Variants in CNTNAP2 observed in about 807,000 individuals in gnomAD.
CNTNAP2 encodes contactin associated protein 2, also known as contactin-associated protein-like 2.
A neutral mutation model predicts 155.2 loss-of-function variants in CNTNAP2; 98 were observed. The ratio of observed to expected loss-of-function variants is 0.63; its 90% CI spans 0.54 to 0.75. CNTNAP2 has a LOEUF of 0.75. Ranked by LOEUF, CNTNAP2 falls within the 30% of genes least tolerant of loss-of-function variation. The pLI is 0.00. For synonymous variants in CNTNAP2, 651 were observed against 631.2 expected (o/e 1.03, Z -0.47); for missense variants, 1,727 against 1,688.1 (o/e 1.02, Z -0.40).
intron 1 of CNTNAP2, among the ~76,000 whole-genome samples, chr7:146,259,581 A>G (rs1457706154): frequency 6.6e-6 from 1 of 152,138 alleles, no homozygotes; most frequent in Non-Finnish European, 1.5e-5. Flanking sequence ...CCCCTGCCCT[A>G]GAGCTCTGTG....
chr7:147,473,153 G>A (rs1434631220), intron 10 of CNTNAP2, among the ~76,000 whole-genome samples: 1 of 152,166 alleles, frequency 6.6e-6, no homozygotes. Context: ...AGATGAGAGT[G>A]GATTTCAGGT....
intron 8 of CNTNAP2, among the ~76,000 whole-genome samples, chr7:147,256,658 T>C (rs1489773157): frequency 6.6e-6 from 1 of 152,080 alleles, no homozygotes; most frequent in Admixed American, 6.5e-5. Context: ...GGGAACAGGA[T>C]GACAAATGTG....
chr7:146,932,050 C>T (rs1342046326), intron 3 of CNTNAP2, among the ~76,000 whole-genome samples: 2 of 150,260 alleles, frequency 1.3e-5, no homozygotes, highest in African/African-American at 4.9e-5. Flanking sequence ...CTATTCCAAT[C>T]AATAGAAAAA....
At chr7:147,719,329 T>G (rs1276330938) in intron 13 of CNTNAP2, among the ~76,000 whole-genome samples, 1 of 152,096 alleles carries the variant, frequency 6.6e-6, no homozygotes, top group South Asian at 2.1e-4. Context: ...TTCTCTCTGG[T>G]AGACATAGCT....
At chr7:146,711,189 T>A (rs920184658) in intron 1 of CNTNAP2, among the ~76,000 whole-genome samples, 1 of 149,924 alleles carries the variant, frequency 6.7e-6, no homozygotes, top group African/African-American at 2.4e-5. Context: ...TGCACACATA[T>A]GTATGTATAC....
chr7:147,994,356 GT>G (rs1472597175), intron 15 of CNTNAP2, among the ~76,000 whole-genome samples: 1 of 143,058 alleles, frequency 7.0e-6, no homozygotes, highest in East Asian at 2.1e-4. Flanking sequence ...GAGTGACAAA[GT>G]AAGACCTGTC....
intron 13 of CNTNAP2, among the ~76,000 whole-genome samples, chr7:147,816,545 A>T (rs1798269559): frequency 6.6e-6 from 1 of 152,194 alleles, no homozygotes; most frequent in Non-Finnish European, 1.5e-5. Context: ...TTTAAAAATA[A>T]TGGAGATGGT....
chr7:147,476,944 A>G (rs1798333808), intron 10 of CNTNAP2, among the ~76,000 whole-genome samples: 1 of 151,804 alleles, frequency 6.6e-6, no homozygotes. Flanking sequence ...AAAAAAAAAA[A>G]AAAAAGATAC....
intron 1 of CNTNAP2, among the ~76,000 whole-genome samples, chr7:146,495,862 A>C (rs1797207764): frequency 6.6e-6 from 1 of 152,142 alleles, no homozygotes; most frequent in African/African-American, 2.4e-5. Context: ...ACCTTCTTCA[A>C]AGGTAGGCCT....
intron 4 of CNTNAP2, among the ~76,000 whole-genome samples, chr7:147,086,501 ATCATGGC>A (rs1204643913): frequency 4.6e-5 from 7 of 152,146 alleles, no homozygotes; most frequent in Admixed American, 2.6e-4. Context: ...CAATGGCATG[ATCATGGC>A]TCATGGCAGC....
At chr7:147,465,011 A>T (rs761771774) in intron 10 of CNTNAP2, among the ~76,000 whole-genome samples, 4 of 152,216 alleles carry the variant, frequency 2.6e-5, no homozygotes, top group Admixed American at 6.5e-5. Flanking sequence ...TTGCAGCAAC[A>T]TGGATGCAGC....
chr7:147,881,713 G>C (rs983968457), intron 13 of CNTNAP2, among the ~76,000 whole-genome samples: 1 of 152,222 alleles, frequency 6.6e-6, no homozygotes, highest in African/African-American at 2.4e-5. Flanking sequence ...GCTCACGCCT[G>C]TAATCCCAGC....
intron 1 of CNTNAP2, among the ~76,000 whole-genome samples, chr7:146,766,385 G>A (rs1429021481): frequency 5.9e-5 from 9 of 152,016 alleles, no homozygotes; most frequent in Admixed American, 5.9e-4. Flanking sequence ...ATTATATAGG[G>A]TAACATTTCA....
At chr7:146,998,139 G>T (rs557644309) in intron 3 of CNTNAP2, among the ~76,000 whole-genome samples, 101 of 151,824 alleles carry the variant, frequency 6.7e-4, no homozygotes, top group African/African-American at 2.3e-3. Context: ...GGTTGTTGGA[G>T]ATTTTTCATA....
intron 12 of CNTNAP2, among the ~76,000 whole-genome samples, chr7:147,580,831 G>T (rs112397579): frequency 1.1e-4 from 17 of 152,098 alleles, no homozygotes; most frequent in African/African-American, 3.9e-4. Context: ...GACCAGGCTG[G>T]TCTCGAACTT....
chr7:147,466,156 AT>A (rs1798116089), intron 10 of CNTNAP2, among the ~76,000 whole-genome samples: 1 of 152,216 alleles, frequency 6.6e-6, no homozygotes, highest in Admixed American at 6.5e-5. Context: ...GTGGACAGCC[AT>A]CTAGAAACAT....
chr7:148,226,452 C>A (rs1057387577), intron 19 of CNTNAP2, among the ~76,000 whole-genome samples: 1 of 152,036 alleles, frequency 6.6e-6, no homozygotes, highest in Non-Finnish European at 1.5e-5. Flanking sequence ...TGATAATTGG[C>A]TGCAGCTGGC....
chr7:147,491,256 G>T (rs1175707694), intron 11 of CNTNAP2, among the ~76,000 whole-genome samples: 1 of 151,928 alleles, frequency 6.6e-6, no homozygotes, highest in Non-Finnish European at 1.5e-5. Context: ...TCAATGCACT[G>T]GCCTCCTTTC....
chr7:146,367,806 T>C (rs73162186), intron 1 of CNTNAP2, among the ~76,000 whole-genome samples: 15,966 of 152,110 alleles, frequency 0.1, 1,945 homozygotes, highest in African/African-American at 0.3. Flanking sequence ...AATATGCATC[T>C]AGATGACTAT....
Sources: gnomAD v4.1 joint callset for allele counts (sites outside exome capture counted in the v4.1 genomes callset) on GRCh38, gnomAD v4.1.1 for gene constraint, MANE v1.5 for transcripts, NCBI Gene and HGNC (gene_info 2026-07-23, HGNC 2026-07-21) for gene names.